KLF2: variants seen among roughly 807,000 people sequenced by gnomAD.
The protein encoded by KLF2 is KLF transcription factor 2.
In KLF2, 9 loss-of-function variants were observed where a neutral mutation model predicts 22.2. The observed-to-expected ratio is 0.40, with a 90% confidence interval of 0.24 to 0.71. KLF2 has a LOEUF of 0.71. Among genes scored for constraint, KLF2 ranks in the 30% least tolerant of loss-of-function variants. The pLI is 0.35. For synonymous variants in KLF2, 299 were observed against 264.2 expected, an observed-to-expected ratio of 1.13 and a Z score of -1.28; for missense variants, 481 against 542.1, an observed-to-expected ratio of 0.89 and a Z score of 1.12.
At position 16,325,471 on chromosome 19, in the gene KLF2, C is replaced by G. The variant is rs1464983693; in HGVS notation, c.331C>G (p.Arg111Gly). ...DAPLGPALHG[R>G]FLLAPPGRLV... Reference sequence around the variant, plus strand: ...GCCGCTGGGGCCCGCACTGCACGGCCGCTTTCTGCTGGCGCCGCCCGGCCG... The same window carrying G: ...GCCGCTGGGGCCCGCACTGCACGGCGGCTTTCTGCTGGCGCCGCCCGGCCG... Residue 111 changes from arginine to glycine, a missense_variant, in exon 2 of 3, where the codon CGC becomes GGC. Arg to Gly is a moderately radical substitution (Grantham distance 125). Around this residue, in one of 2 missense-constraint regions of KLF2, gnomAD observed 421 missense variants for 435.1 expected, o/e 0.97. Transcript: ENST00000248071. The G allele has an allele frequency of 4.4e-6, 6 of 1,378,060 alleles. No individual in the cohort carries two copies. The highest frequency in any genetic ancestry group is 2.7e-4 in the Middle Eastern group (1 of 3,754). 85.4% of individuals were successfully genotyped at this position (1,378,060 alleles called of 1,614,324 possible).
intron 2 of KLF2, 113 bp from the exon 3 acceptor site, chr19:16,326,742 AC>A: frequency 9.6e-7 from 1 of 1,045,768 alleles, no homozygotes; most frequent in Non-Finnish European, 1.4e-6. Context: ...GCGCAACACT[AC>A]CGCGGGGAGC....
rs951231105 is a variant in KLF2, at chr19:16,325,528, G to A, written c.388G>A (p.Gly130Ser). Residue 130 changes from glycine (G) to serine (S), a missense_variant, in exon 2 of 3, where the codon GGC becomes AGC. Coordinates refer to ENST00000248071, the MANE Select transcript of KLF2 (RefSeq NM_016270.4). ...LVKAEPPEAD[G>S]GGGYGCAPGL... ...CAAGGCCGAGCCCCCTGAAGCGGAC[G>A]GCGGCGGCGGCTACGGCTGCGCCCC... 1.6e-6 allele frequency: 2 copies of A among 1,255,316 alleles called. No individual in the cohort carries two copies. The highest frequency in any genetic ancestry group is 1.6e-5 in the African/African-American group (1 of 62,874). 77.8% of individuals were successfully genotyped at this position (1,255,316 alleles called of 1,614,324 possible). A position where few individuals can be genotyped will look rare whatever the true frequency, so the allele number is the denominator to read the frequency against.
At position 16,325,079 on chromosome 19, in the gene KLF2, A is replaced by G. The variant is rs1218198650; in HGVS notation, c.75+81A>G. ...AGTAGAACGTGGGCTGCGGGGTGAC[A>G]GGACGCGAAGGCGGGGACTGCAGAC... On this transcript the variant is annotated intron_variant, in intron 1 of 2. Transcript: ENST00000248071. 4 of 1,360,790 alleles carry G rather than the reference A, an allele frequency of 2.9e-6. No homozygotes were observed. In the East Asian group the frequency reaches 8.3e-5, roughly 28 times the overall value. 84.3% of individuals were successfully genotyped at this position (1,360,790 alleles called of 1,614,324 possible).
chr19:16,326,611 G>A (rs1244178004), intron 2 of KLF2, among the ~76,000 whole-genome samples: 1 of 151,990 alleles, frequency 6.6e-6, no homozygotes, highest in Non-Finnish European at 1.5e-5. Context: ...GCATGCTTAG[G>A]ACCCGTCGGG....
intron 2 of KLF2, 81 bp from the exon 3 acceptor site, chr19:16,326,775 A>T (rs1198575856): frequency 6.4e-6 from 9 of 1,410,254 alleles, no homozygotes; most frequent in Non-Finnish European, 8.8e-6. Context: ...CTGGTTAGGG[A>T]TAGGTTGCGC....
At chr19:16,326,104 C>A (rs2091889251) in intron 2 of KLF2, 72 bp downstream of exon 2, 1 of 1,435,910 alleles carries the variant, frequency 7.0e-7, no homozygotes, top group Non-Finnish European at 9.3e-7. Context: ...CCAGCGCGCG[C>A]CAGAAAATGA....
chr19:16,326,826 C>T (rs778669303), intron 2 of KLF2, 30 bp from the exon 3 acceptor site: 1 of 1,593,296 alleles, frequency 6.3e-7, no homozygotes, highest in Non-Finnish European at 8.6e-7. Context: ...GGGAGGGGAA[C>T]TGACGCTTAC....
rs1192305600 is a variant in KLF2 at position 16,325,429 on chromosome 19, C to T, written c.289C>T (p.Arg97Ter). The change falls in exon 2 of 3, where the codon CGA (arginine) becomes TGA (stop). Residue 97 changes from arginine to a stop codon, truncating the protein, a stop_gained. Transcript: ENST00000248071. LOFTEE classifies it high-confidence loss of function. ...PAGGLVSELLRPELDAPLGPA... is the reference protein window; with the variant it reads ...PAGGLVSELL ...GGGTGGCCTGGTGTCTGAGCTGCTG[C>T]GACCCGAGCTGGATGCGCCGCTGGG... The T allele has an allele frequency of 3.5e-6, 5 of 1,419,348 alleles. No individual in the cohort carries two copies. Among genetic ancestry groups the T allele is most frequent in the South Asian group, 2.9e-5 (2 of 68,320 alleles). The allele number at this position is 1,419,348 out of a possible 1,614,324, so 87.9% of individuals were successfully genotyped here.
Position 16,325,602 on chromosome 19 carries a change from C to A in KLF2, c.462C>A (p.Gly154=). The change falls in exon 2 of 3, where the codon GGC becomes GGA. Residue 154 remains glycine (G), a synonymous_variant. Coordinates refer to ENST00000248071, the MANE Select transcript of KLF2 (RefSeq NM_016270.4). ...GCCTCAAGCGCGAGGGCGCCCCGGGCCCGGCGGCTTCGTGCATGCGAGGTC... is the reference window on the plus strand; with the variant it reads ...GCCTCAAGCGCGAGGGCGCCCCGGGACCGGCGGCTTCGTGCATGCGAGGTC... The part of the protein sequence containing the change: ...PRGLKREGAP[G]PAASCMRGPG... 1 of 1,125,036 alleles carries A rather than the reference C, an allele frequency of 8.9e-7. No individual in the cohort carries two copies. Among genetic ancestry groups the A allele is most frequent in the Non-Finnish European group, 1.1e-6 (1 of 921,422 alleles). The allele number at this position is 1,125,036 out of a possible 1,614,324, so 69.7% of individuals were successfully genotyped here.
In KLF2 at chr19:16,324,914, G is replaced by T; in HGVS notation, c.-10G>T. ...TCCCCGTCCGCGTCCTTTCTCCCCGGGTCCCGGCCATGGCGCTGAGTGAAC... is the reference window on the plus strand; with the variant it reads ...TCCCCGTCCGCGTCCTTTCTCCCCGTGTCCCGGCCATGGCGCTGAGTGAAC... On this transcript the variant is annotated 5_prime_UTR_variant, in exon 1 of 3. Coordinates refer to ENST00000248071, the MANE Select transcript of KLF2 (RefSeq NM_016270.4). The T allele has an allele frequency of 6.3e-7, 1 of 1,592,906 alleles. No individual in the cohort carries two copies. The highest frequency in any genetic ancestry group is 2.3e-5 in the East Asian group (1 of 42,720).
At position 16,326,959 on chromosome 19, in the gene KLF2, C is replaced by T. The variant is rs769715527; in HGVS notation, c.996C>T (p.Phe332=). ...HYRKHTGHRP[F]QCHLCDRAFS... is the part of the protein sequence containing the mutation. ...GAAAGCACACGGGCCACCGGCCATT[C>T]CAGTGCCATCTGTGCGATCGTGCCT... Residue 332 remains phenylalanine, a synonymous_variant, in exon 3 of 3, where the codon TTC becomes TTT. Coordinates refer to ENST00000248071, the MANE Select transcript of KLF2 (RefSeq NM_016270.4). The T allele has an allele frequency of 3.7e-6, 6 of 1,613,590 alleles. No homozygotes were observed. Among genetic ancestry groups the T allele is most frequent in the Non-Finnish European group, 5.1e-6 (6 of 1,179,958 alleles).
Position 16,325,481 on chromosome 19 carries a change from T to C in KLF2, c.341T>C (p.Leu114Pro). 4 of 1,361,910 alleles carry C rather than the reference T, an allele frequency of 2.9e-6. No homozygotes were observed. The highest frequency in any genetic ancestry group is 1.7e-5 in the South Asian group (1 of 59,734). 84.4% of individuals were successfully genotyped at this position (1,361,910 alleles called of 1,614,324 possible). A position where few individuals can be genotyped will look rare whatever the true frequency, so the allele number is the denominator to read the frequency against. The change falls in exon 2 of 3, where the codon CTG becomes CCG. Residue 114 changes from leucine to proline, a missense_variant. Leu to Pro is a moderately conservative substitution (Grantham distance 98). This residue lies in a region of KLF2 where 421 missense variants were observed against 435.1 expected (regional missense o/e 0.97). Transcript: ENST00000248071. ...LGPALHGRFL[L>P]APPGRLVKAE... is the part of the protein sequence containing the mutation. ...CCCGCACTGCACGGCCGCTTTCTGC[T>C]GGCGCCGCCCGGCCGCCTGGTCAAG...
Position 16,325,437 on chromosome 19 carries a change from G to C in KLF2, c.297G>C (p.Glu99Asp). The change falls in exon 2 of 3, where the codon GAG (glutamate) becomes GAC (aspartate). Residue 99 changes from glutamate to aspartate, a missense_variant. Glu to Asp is a conservative substitution (Grantham distance 45). Transcript: ENST00000248071. ...GGLVSELLRP[E>D]LDAPLGPALH... The stretch of plus-strand genomic sequence containing the variant: ...TGGTGTCTGAGCTGCTGCGACCCGA[G>C]CTGGATGCGCCGCTGGGGCCCGCAC... 1.4e-6 allele frequency: 2 copies of C among 1,417,002 alleles called. No individual in the cohort carries two copies. Among genetic ancestry groups the C allele is most frequent in the Non-Finnish European group, 1.8e-6 (2 of 1,094,530 alleles). The allele number at this position is 1,417,002 out of a possible 1,614,324, so 87.8% of individuals were successfully genotyped here. A position where few individuals can be genotyped will look rare whatever the true frequency, so the allele number is the denominator to read the frequency against.
chr19:16,326,968 T>C lies in KLF2; in HGVS notation c.1005T>C (p.His335=). 6.2e-7 allele frequency: 1 copy of C among 1,613,492 alleles called. No homozygotes were observed. The highest frequency in any genetic ancestry group is 2.2e-5 in the East Asian group (1 of 44,884). The change falls in exon 3 of 3, where the codon CAT becomes CAC. Residue 335 remains histidine, a synonymous_variant. Coordinates refer to ENST00000248071, the MANE Select transcript of KLF2 (RefSeq NM_016270.4). The part of the protein sequence containing the change: ...KHTGHRPFQC[H]LCDRAFSRSD... Reference sequence around the variant, plus strand: ...CGGGCCACCGGCCATTCCAGTGCCATCTGTGCGATCGTGCCTTCTCGCGCT... The same window carrying C: ...CGGGCCACCGGCCATTCCAGTGCCACCTGTGCGATCGTGCCTTCTCGCGCT...
Position 16,325,531 on chromosome 19 carries a change from G to A in KLF2, c.391G>A (p.Gly131Ser), listed in dbSNP as rs982602898. Residue 131 changes from glycine to serine, a missense_variant, in exon 2 of 3, where the codon GGC (glycine) becomes AGC (serine). This residue lies in a region of KLF2 where 421 missense variants were observed against 435.1 expected (regional missense o/e 0.97). Coordinates refer to ENST00000248071, the MANE Select transcript of KLF2 (RefSeq NM_016270.4). ...VKAEPPEADG[G>S]GGYGCAPGLT... ...GGCCGAGCCCCCTGAAGCGGACGGCGGCGGCGGCTACGGCTGCGCCCCCGG... is the reference window on the plus strand; with the variant it reads ...GGCCGAGCCCCCTGAAGCGGACGGCAGCGGCGGCTACGGCTGCGCCCCCGG... The A allele has an allele frequency of 3.4e-5, 43 of 1,266,288 alleles. No homozygotes were observed. The African/African-American group carries it at 5.7e-4, about 17-fold the overall frequency. The allele number at this position is 1,266,288 out of a possible 1,614,324, so 78.4% of individuals were successfully genotyped here.
In KLF2 at chr19:16,328,355, CAA is replaced by C. The variant is rs754790794; in HGVS notation, c.*1325_*1326del. ...AGGAGACCCCTAAATCCCACCACCCCAAGTGTCTCAGGCAAGGAGGTATCTCT... is the reference window on the plus strand; with the variant it reads ...AGGAGACCCCTAAATCCCACCACCCCGTGTCTCAGGCAAGGAGGTATCTCT... On this transcript the variant is annotated 3_prime_UTR_variant, in exon 3 of 3. Coordinates refer to ENST00000248071, the MANE Select transcript of KLF2 (RefSeq NM_016270.4). Among the ~76,000 whole-genome samples, 65 of 152,214 alleles carry C rather than the reference CAA, an allele frequency of 4.3e-4. No homozygotes were observed. The highest frequency in any genetic ancestry group is 3.4e-3 in the Middle Eastern group (1 of 294).
chr19:16,327,212 G>A lies in KLF2; in HGVS notation c.*181G>A. On this transcript the variant is annotated 3_prime_UTR_variant, in exon 3 of 3. Transcript: ENST00000248071. ...CGCCACCACCCCAGCCCCCGTCTGTGACTGAAGGCCCGGTGGGAAAAGACC... is the reference window on the plus strand; with the variant it reads ...CGCCACCACCCCAGCCCCCGTCTGTAACTGAAGGCCCGGTGGGAAAAGACC... 1.8e-6 allele frequency: 1 copy of A among 557,818 alleles called. No individual in the cohort carries two copies. The allele number at this position is 557,818 out of a possible 1,614,324, so 34.6% of individuals were successfully genotyped here. A position where few individuals can be genotyped will look rare whatever the true frequency, so the allele number is the denominator to read the frequency against.
chr19:16,325,324 C>A lies in KLF2; in HGVS notation c.184C>A (p.Pro62Thr). Residue 62 changes from proline (P) to threonine (T), a missense_variant, in exon 2 of 3, where the codon CCG becomes ACG. This residue lies in a region of KLF2 where 421 missense variants were observed against 435.1 expected (regional missense o/e 0.97). Transcript: ENST00000248071. ...GGATGGCCTGGGCGCCGAGGCCGCC[C>A]CGGAGCCGCCGCCGCCGCCCCCGCC... is the stretch of plus-strand genomic sequence containing the variant. ...GLDGLGAEAA[P>T]EPPPPPPPPA... 6.8e-7 allele frequency: 1 copy of A among 1,480,654 alleles called. No individual in the cohort carries two copies. The allele number at this position is 1,480,654 out of a possible 1,614,324, so 91.7% of individuals were successfully genotyped here.
In KLF2 at chr19:16,327,580, T is replaced by G. The variant is rs1395701101; in HGVS notation, c.*549T>G. On this transcript the variant is annotated 3_prime_UTR_variant, in exon 3 of 3. Coordinates refer to ENST00000248071, the MANE Select transcript of KLF2 (RefSeq NM_016270.4). ...CTTGGAACTGGGGCCTTGGGGCACTTGGGAGGAGGGGGGAGCGGAGAGTTT... is the reference window on the plus strand; with the variant it reads ...CTTGGAACTGGGGCCTTGGGGCACTGGGGAGGAGGGGGGAGCGGAGAGTTT... 6.9e-6 allele frequency: 1 copy of G among 145,470 alleles called. No individual in the cohort carries two copies. Among genetic ancestry groups the G allele is most frequent in the Non-Finnish European group, 1.5e-5 (1 of 66,378 alleles). 9.0% of individuals were successfully genotyped at this position (145,470 alleles called of 1,614,324 possible).
Sources: allele counts gnomAD v4.1 joint callset (sites outside exome capture counted in the v4.1 genomes callset), GRCh38; gene constraint gnomAD v4.1.1; regional missense constraint gnomAD v4.1.1; transcripts MANE v1.5; gene names NCBI Gene and HGNC (gene_info 2026-07-23, HGNC 2026-07-21).